Variants in WWOX observed in about 807,000 individuals in gnomAD.
WWOX encodes the protein WW domain-containing oxidoreductase.
In WWOX, 69 loss-of-function variants were observed where a neutral mutation model predicts 46.2. The observed-to-expected ratio is 1.49, with a 90% confidence interval of 1.23 to 1.82. WWOX has a LOEUF of 1.82. WWOX is among the 40% of genes most tolerant of loss of function. WWOX has a pLI of 0.00. For synonymous variants in WWOX, 359 were observed against 202.6 expected (o/e 1.77, Z -6.56); for missense variants, 919 against 542.6 (o/e 1.69, Z -6.89).
intron 8 of WWOX, among the ~76,000 whole-genome samples, chr16:79,117,307 C>T (rs1177738505): frequency 1.3e-5 from 2 of 152,078 alleles, no homozygotes; most frequent in East Asian, 3.9e-4. Context: ...CCACACTGGA[C>T]CAAGCAGAAT....
chr16:78,705,343 A>G lies in WWOX; in HGVS notation c.1056+272591A>G, dbSNP rs1025591740. Among the ~76,000 whole-genome samples the G allele has an allele frequency of 3.1e-4, 47 of 152,342 alleles. 1 individual carries two copies. The highest frequency in any genetic ancestry group is 1.1e-3 in the African/African-American group (45 of 41,590). ...TAGCTGACAACATGGTCTATATGAAAAACAACACAAAACAACACATAAGAG... is the reference window on the plus strand; with the variant it reads ...TAGCTGACAACATGGTCTATATGAAGAACAACACAAAACAACACATAAGAG... On this transcript the variant is annotated intron_variant, in intron 8 of 8. Transcript: ENST00000566780.
intron 5 of WWOX, among the ~76,000 whole-genome samples, chr16:78,194,732 C>T (rs55865757): frequency 5.9e-5 from 9 of 152,124 alleles, no homozygotes; most frequent in East Asian, 1.9e-4. Context: ...CCCCAAACCC[C>T]TACCCTTAAC....
chr16:79,091,370 C>G lies in WWOX; in HGVS notation c.1057-120238C>G, dbSNP rs574987019. ...TCTCATTCCTGTGTTGAAGCTCTTT[C>G]ACTGCTTTCGTGAGCACAGATGAAT... is the stretch of plus-strand genomic sequence containing the variant. On this transcript the variant is annotated intron_variant, in intron 8 of 8. Transcript: ENST00000566780. Among the ~76,000 whole-genome samples, 5 of 152,054 alleles carry G rather than the reference C, an allele frequency of 3.3e-5. No individual in the cohort carries two copies. The East Asian group carries it at 5.8e-4, about 18-fold the overall frequency.
chr16:78,594,421 G>C (rs903109180), intron 8 of WWOX, among the ~76,000 whole-genome samples: 4 of 104,606 alleles, frequency 3.8e-5, no homozygotes, highest in African/African-American at 1.7e-4. Flanking sequence ...GAAGAAGACT[G>C]AGGAAAGGCC....
At chr16:79,162,426 C>T (rs1291732119) in intron 8 of WWOX, among the ~76,000 whole-genome samples, 1 of 152,152 alleles carries the variant, frequency 6.6e-6, no homozygotes, top group Admixed American at 6.5e-5. Flanking sequence ...TTAGGGGCTT[C>T]TTCTGGATTC....
At chr16:78,664,933 G>A (rs2047296720) in intron 8 of WWOX, among the ~76,000 whole-genome samples, 1 of 152,208 alleles carries the variant, frequency 6.6e-6, no homozygotes, top group African/African-American at 2.4e-5. Context: ...TCATGTGTCA[G>A]CCTAATAGCC....
rs187747007 is a variant in WWOX at position 78,360,516 on chromosome 16, T to C, written c.517-26344T>C. Among the ~76,000 whole-genome samples the C allele has an allele frequency of 1.8e-3, 254 of 143,670 alleles. 3 individuals are homozygous for C. Among genetic ancestry groups the C allele is most frequent in the Non-Finnish European group, 2.9e-3 (197 of 66,974 alleles). The allele number at this position is 143,670 out of a possible 152,430, so 94.3% of individuals were successfully genotyped here. The stretch of plus-strand genomic sequence containing the variant: ...ATGAGAATCACTTGAAGCTGGGAGC[T>C]GGAGGCTGCAGTGAGCCAAGCGGAG... On this transcript the variant is annotated intron_variant, in intron 5 of 8. Coordinates refer to ENST00000566780, the MANE Select transcript of WWOX (RefSeq NM_016373.4).
chr16:78,608,193 G>A (rs990992533), intron 8 of WWOX, among the ~76,000 whole-genome samples: 2 of 152,092 alleles, frequency 1.3e-5, no homozygotes, highest in African/African-American at 2.4e-5. Context: ...AATCTAAGCA[G>A]AAATACACCA....
intron 8 of WWOX, among the ~76,000 whole-genome samples, chr16:79,181,931 A>G (rs1331238103): frequency 6.6e-6 from 1 of 152,198 alleles, no homozygotes; most frequent in Admixed American, 6.5e-5. Flanking sequence ...AATTTTACAA[A>G]CATCATTCGT....
intron 8 of WWOX, among the ~76,000 whole-genome samples, chr16:78,977,158 A>G (rs368867588): frequency 6.6e-6 from 1 of 152,260 alleles, no homozygotes; most frequent in Non-Finnish European, 1.5e-5. Flanking sequence ...CTGGTACCCT[A>G]TATATCATTC....
intron 8 of WWOX, among the ~76,000 whole-genome samples, chr16:78,574,997 A>G (rs1335299098): frequency 1.6e-5 from 1 of 62,880 alleles, no homozygotes; most frequent in African/African-American, 5.6e-5. Flanking sequence ...TTTATTTTTC[A>G]ATTATATATA....
intron 8 of WWOX, among the ~76,000 whole-genome samples, chr16:78,945,046 G>A (rs1469776694): frequency 6.6e-6 from 1 of 152,114 alleles, no homozygotes; most frequent in Non-Finnish European, 1.5e-5. Context: ...TGGGCATGGT[G>A]GCGTACACCT....
intron 8 of WWOX, among the ~76,000 whole-genome samples, chr16:79,093,010 C>T (rs990706357): frequency 6.6e-6 from 1 of 152,124 alleles, no homozygotes; most frequent in Non-Finnish European, 1.5e-5. Context: ...TATTCAATAG[C>T]AAAAACCGCA....
rs565071842 is a variant in WWOX at position 78,338,911 on chromosome 16, C to T, written c.517-47949C>T. Among the ~76,000 whole-genome samples, 3 of 121,042 alleles carry T rather than the reference C, an allele frequency of 2.5e-5. 1 individual carries two copies. In the South Asian group the frequency reaches 7.3e-4, roughly 30 times the overall value. The allele number at this position is 121,042 out of a possible 152,430, so 79.4% of individuals were successfully genotyped here. ...TTACGTAAAAAGTTAAAGCAGCCCTCAGCATCAACTTCTTCTTCATTTCTA... is the reference window on the plus strand; with the variant it reads ...TTACGTAAAAAGTTAAAGCAGCCCTTAGCATCAACTTCTTCTTCATTTCTA... On this transcript the variant is annotated intron_variant, in intron 5 of 8. Coordinates refer to ENST00000566780, the MANE Select transcript of WWOX (RefSeq NM_016373.4).
intron 8 of WWOX, among the ~76,000 whole-genome samples, chr16:78,868,911 C>CT (rs1567614908): frequency 6.6e-6 from 1 of 152,106 alleles, no homozygotes; most frequent in Non-Finnish European, 1.5e-5. Context: ...CTTTTCCCCC[C>CT]TTTTTCCATT....
chr16:79,143,529 G>T (rs1022205251), intron 8 of WWOX, among the ~76,000 whole-genome samples: 2 of 152,112 alleles, frequency 1.3e-5, no homozygotes, highest in Non-Finnish European at 2.9e-5. Context: ...GCTTCTGTTG[G>T]AGTTTTATTC....
At position 78,373,450 on chromosome 16, in the gene WWOX, A is replaced by C. The variant is rs563602800; in HGVS notation, c.517-13410A>C. ...TCATATGAGAAATAGCCCAGGAGTT[A>C]CATTCTCTTCTGCTCAGTGACCATT... On this transcript the variant is annotated intron_variant, in intron 5 of 8. Transcript: ENST00000566780. Among the ~76,000 whole-genome samples, 16 of 152,192 alleles carry C rather than the reference A, an allele frequency of 1.1e-4. 1 individual carries two copies. The highest frequency in any genetic ancestry group is 1.8e-4 in the Non-Finnish European group (12 of 68,032).
chr16:78,567,370 C>T (rs1400350335), intron 8 of WWOX, among the ~76,000 whole-genome samples: 2 of 151,224 alleles, frequency 1.3e-5, no homozygotes, highest in African/African-American at 4.9e-5. Context: ...ACCGTAAAAC[C>T]CCGTCTCTAC....
chr16:79,207,933 T>G (rs957659583), intron 8 of WWOX, among the ~76,000 whole-genome samples: 1 of 152,222 alleles, frequency 6.6e-6, no homozygotes, highest in African/African-American at 2.4e-5. Context: ...AAGCAGCTAC[T>G]TAACATTTTC....
Sources: allele counts gnomAD v4.1 joint callset (sites outside exome capture counted in the v4.1 genomes callset), GRCh38; gene constraint gnomAD v4.1.1; transcripts MANE v1.5; gene names NCBI Gene and HGNC (gene_info 2026-07-23, HGNC 2026-07-21).